Variants in TRAPPC13 observed in about 807,000 individuals in gnomAD.
The protein encoded by TRAPPC13 is trafficking protein particle complex subunit 13, also known as REV7-interacting novel NHEJ regulator 1.
A neutral mutation model predicts 54.0 loss-of-function variants in TRAPPC13; 39 were observed. The observed-to-expected ratio is 0.72, with a 90% CI of 0.56 to 0.94. The LOEUF is 0.94. Among genes scored for constraint, TRAPPC13 ranks in the 40% least tolerant of loss-of-function variants. TRAPPC13 has a pLI of 0.00. For synonymous variants in TRAPPC13, 148 were observed against 167.7 expected (o/e 0.88, Z 0.91); for missense variants, 386 against 488.1 (o/e 0.79, Z 1.97).
At chr5:65,643,685 C>T (rs934228986) in intron 4 of TRAPPC13, among the ~76,000 whole-genome samples, 17 of 151,732 alleles carry the variant, frequency 1.1e-4, no homozygotes, top group Admixed American at 5.3e-4. Context: ...GGTGTGATGG[C>T]GGGCGCCTGT....
At chr5:65,639,165 C>T (rs1195859951) in intron 4 of TRAPPC13, among the ~76,000 whole-genome samples, 1 of 152,060 alleles carries the variant, frequency 6.6e-6, no homozygotes, top group Non-Finnish European at 1.5e-5. Flanking sequence ...AAGACCCACC[C>T]CCATGATTCA....
rs1442652605 is a variant in TRAPPC13 at position 65,637,789 on chromosome 5, C to G, written c.300+9C>G. On this transcript the variant is annotated intron_variant, in intron 4 of 12. Transcript: ENST00000399438. ...AAGACATATTAGTAAAAGTAAGTAACATTCTTACTTGGGATGTATTTTAGT... is the reference window on the plus strand; with the variant it reads ...AAGACATATTAGTAAAAGTAAGTAAGATTCTTACTTGGGATGTATTTTAGT... 6.8e-7 allele frequency: 1 copy of G among 1,471,508 alleles called. No individual in the cohort carries two copies. The highest frequency in any genetic ancestry group is 2.1e-5 in the Admixed American group (1 of 48,662). The allele number at this position is 1,471,508 out of a possible 1,614,324, so 91.2% of individuals were successfully genotyped here. A position where few individuals can be genotyped will look rare whatever the true frequency, so the allele number is the denominator to read the frequency against.
At chr5:65,641,623 A>G (rs1755966825) in intron 4 of TRAPPC13, among the ~76,000 whole-genome samples, 1 of 151,844 alleles carries the variant, frequency 6.6e-6, no homozygotes, top group African/African-American at 2.4e-5. Context: ...AGGCAGGAGG[A>G]TCACTTGAAC....
At chr5:65,625,431 C>T (rs983131766) in intron 1 of TRAPPC13, 5 of 336,404 alleles carry the variant, frequency 1.5e-5, no homozygotes, top group African/African-American at 1.1e-4. Flanking sequence ...GTGCTTTTTC[C>T]TTCTGTCTCT....
At chr5:65,637,486 C>T (rs1203414446) in intron 3 of TRAPPC13, among the ~76,000 whole-genome samples, 1 of 151,940 alleles carries the variant, frequency 6.6e-6, no homozygotes, top group Non-Finnish European at 1.5e-5. Flanking sequence ...AAAAAATTAG[C>T]TAGGCGTGGT....
intron 1 of TRAPPC13, among the ~76,000 whole-genome samples, chr5:65,634,308 A>T (rs561595264): frequency 6.6e-6 from 1 of 152,108 alleles, no homozygotes; most frequent in East Asian, 1.9e-4. Context: ...TCTTTATATA[A>T]GTATATCCTA....
At chr5:65,630,143 A>C (rs1224756191) in intron 1 of TRAPPC13, 10 of 1,535,948 alleles carry the variant, frequency 6.5e-6, no homozygotes, top group East Asian at 2.4e-5. Flanking sequence ...AGACATTTGG[A>C]CAAAACTCAA....
chr5:65,662,066 A>C lies in TRAPPC13; in HGVS notation c.914A>C (p.Asp305Ala), dbSNP rs1756867644. 6.2e-7 allele frequency: 1 copy of C among 1,606,642 alleles called. No homozygotes were observed. The highest frequency in any genetic ancestry group is 2.3e-5 in the East Asian group (1 of 44,310). ...TTTTCTTAGGCTCCAGGTTATGGAGATGTTAGGTTGTCTTTGGAGGCAATA... is the reference window on the plus strand; with the variant it reads ...TTTTCTTAGGCTCCAGGTTATGGAGCTGTTAGGTTGTCTTTGGAGGCAATA... ...QLQRMAPGYG[D>A]VRLSLEAIPD... The change falls in exon 11 of 13, where the codon GAT (aspartate) becomes GCT (alanine). Residue 305 changes from aspartate to alanine, a missense_variant. Physicochemically the swap from Asp to Ala is moderately radical, Grantham distance 126. Coordinates refer to ENST00000399438, the MANE Select transcript of TRAPPC13 (RefSeq NM_024941.4).
chr5:65,657,056 A>G (rs1302756853), intron 8 of TRAPPC13, among the ~76,000 whole-genome samples: 1 of 150,154 alleles, frequency 6.7e-6, no homozygotes, highest in Admixed American at 6.6e-5. Context: ...TACTCTGGGC[A>G]ACAGAGCAAG....
At chr5:65,659,142 T>TAAC (rs2150691217) in intron 9 of TRAPPC13, among the ~76,000 whole-genome samples, 1 of 152,314 alleles carries the variant, frequency 6.6e-6, no homozygotes, top group African/African-American at 2.4e-5. Flanking sequence ...TTATTGTTTT[T>TAAC]GGTTTTTGGT....
intron 4 of TRAPPC13, among the ~76,000 whole-genome samples, chr5:65,642,420 A>G (rs1009929994): frequency 6.6e-6 from 1 of 151,452 alleles, no homozygotes; most frequent in Non-Finnish European, 1.5e-5. Context: ...TGGTTTGTGT[A>G]TTTTAACTTC....
chr5:65,661,328 C>T (rs183751178), intron 10 of TRAPPC13: 177 of 153,180 alleles, frequency 1.2e-3, no homozygotes, highest in Non-Finnish European at 2.0e-3. Flanking sequence ...GTGAGTTCTA[C>T]TAAAGTTATC....
chr5:65,647,388 CTA>C (rs1213352978), intron 5 of TRAPPC13, among the ~76,000 whole-genome samples: 3 of 152,168 alleles, frequency 2.0e-5, no homozygotes, highest in Middle Eastern at 3.4e-3. Flanking sequence ...TCATTTATCT[CTA>C]GTTTTATTTT....
chr5:65,662,097 T>G lies in TRAPPC13; in HGVS notation c.945T>G (p.Asp315Glu), dbSNP rs757068735. The G allele has an allele frequency of 3.1e-5, 50 of 1,609,668 alleles. No individual in the cohort carries two copies. The highest frequency in any genetic ancestry group is 8.5e-6 in the Non-Finnish European group (10 of 1,178,058). ...DVRLSLEAIPDTVNLEEPFHI... is the reference protein window; with the variant it reads ...DVRLSLEAIPETVNLEEPFHI... The stretch of plus-strand genomic sequence containing the variant: ...GGTTGTCTTTGGAGGCAATACCAGA[T>G]ACCGTAAACCTTGAAGAACCTTTTC... The change falls in exon 11 of 13, where the codon GAT (aspartate) becomes GAG (glutamate). Residue 315 changes from aspartate to glutamate, a missense_variant. Physicochemically the swap from Asp to Glu is conservative, Grantham distance 45. Coordinates refer to ENST00000399438, the MANE Select transcript of TRAPPC13 (RefSeq NM_024941.4).
chr5:65,657,755 C>G (rs933914063), intron 8 of TRAPPC13, among the ~76,000 whole-genome samples: 1 of 152,164 alleles, frequency 6.6e-6, no homozygotes, highest in Non-Finnish European at 1.5e-5. Context: ...TTTAAAAGCT[C>G]TACGATGGTG....
At chr5:65,626,115 T>C (rs979610856) in intron 1 of TRAPPC13, 1 of 152,192 alleles carries the variant, frequency 6.6e-6, no homozygotes. Flanking sequence ...TAGACTAAAA[T>C]GGAGATTAAA....
chr5:65,636,015 G>GA lies in TRAPPC13; in HGVS notation c.190dup (p.Met64AsnfsTer25). 6.3e-7 allele frequency: 1 copy of GA among 1,598,702 alleles called. No individual in the cohort carries two copies. The highest frequency in any genetic ancestry group is 2.2e-5 in the East Asian group (1 of 44,628). ...TGGTGCAGAAGTTTTAATGTTGGGA[G>GA]AAATGCTGACTTTACCACAGAATTT... is the stretch of plus-strand genomic sequence containing the variant. On this transcript the variant is annotated frameshift_variant, in exon 3 of 13. Coordinates refer to ENST00000399438, the MANE Select transcript of TRAPPC13 (RefSeq NM_024941.4). LOFTEE classifies it high-confidence loss of function.
At chr5:65,627,287 A>G (rs1191448249) in intron 1 of TRAPPC13, among the ~76,000 whole-genome samples, 2 of 152,108 alleles carry the variant, frequency 1.3e-5, no homozygotes, top group African/African-American at 4.8e-5. Flanking sequence ...ACACATTTCA[A>G]TGTGCTGATG....
At chr5:65,631,521 C>G (rs1043017229) in intron 1 of TRAPPC13, among the ~76,000 whole-genome samples, 7 of 152,124 alleles carry the variant, frequency 4.6e-5, no homozygotes, top group Non-Finnish European at 2.9e-5. Flanking sequence ...GTCCTCACCC[C>G]CTGCCACCTT....
Sources: gnomAD v4.1 joint callset for allele counts (sites outside exome capture counted in the v4.1 genomes callset) on GRCh38, gnomAD v4.1.1 for gene constraint, MANE v1.5 for transcripts, NCBI Gene and HGNC (gene_info 2026-07-23, HGNC 2026-07-21) for gene names.